The following PLXNB2 variants were observed in gnomAD, a reference collection of about 807,000 sequenced individuals.
The protein encoded by PLXNB2 is plexin B2.
In PLXNB2, 85 loss-of-function variants were observed where a neutral mutation model predicts 202.6. The ratio of observed to expected loss-of-function variants is 0.42; its 90% CI spans 0.35 to 0.50. The LOEUF (loss-of-function observed/expected upper bound fraction) is 0.50, where lower values mean the gene tolerates loss of function less well. Among genes scored for constraint, PLXNB2 ranks in the 20% least tolerant of loss-of-function variants. The pLI is 0.02. For synonymous variants in PLXNB2, 1,239 were observed against 1,137.6 expected, an observed-to-expected ratio of 1.09 and a Z score of -1.79; for missense variants, 2,063 against 2,586.2, an observed-to-expected ratio of 0.80 and a Z score of 4.39.
At chr22:50,294,409 A>G (rs1275527800) in intron 2 of PLXNB2, among the ~76,000 whole-genome samples, 3 of 148,110 alleles carry the variant, frequency 2.0e-5, no homozygotes, top group Non-Finnish European at 4.5e-5. Flanking sequence ...CCAACGCTCC[A>G]ATTCCCAGCC....
Position 50,284,948 on chromosome 22 carries a change from C to A in PLXNB2, c.2089-283G>T. 2 of 560,086 alleles carry A rather than the reference C, an allele frequency of 3.6e-6. No individual in the cohort carries two copies. The highest frequency in any genetic ancestry group is 7.0e-6 in the Non-Finnish European group (2 of 286,560). The allele number at this position is 560,086 out of a possible 1,614,324, so 34.7% of individuals were successfully genotyped here. A position where few individuals can be genotyped will look rare whatever the true frequency, so the allele number is the denominator to read the frequency against. On this transcript the variant is annotated intron_variant, in intron 11 of 36. Transcript: ENST00000359337. This position sits in a 1 kb window ranked among gnomAD's most constrained non-coding sequence, Gnocchi z 8.0. ...TCGCCCGGCCCACCTGACATCGTGG[C>A]CCCCACAGCTCCCTCCTCAGGAGGT... is the stretch of plus-strand genomic sequence containing the variant.
chr22:50,278,077 G>C, intron 31 of PLXNB2, 40 bp downstream of exon 31: 1 of 1,602,802 alleles, frequency 6.2e-7, no homozygotes, highest in Middle Eastern at 1.7e-4. Context: ...GGGTCTCAGC[G>C]TGGCGGCCTG....
At chr22:50,290,649 C>T in intron 2 of PLXNB2, 52 bp from the exon 3 acceptor site, 1 of 1,475,054 alleles carries the variant, frequency 6.8e-7, no homozygotes, top group South Asian at 1.3e-5. Context: ...GACCCCCGAT[C>T]AAATCCCTCT....
Position 50,275,476 on chromosome 22 carries a change from C to A in PLXNB2, c.*228G>T. ...GAACACCCGATGCTGGTTCTGCGGC[C>A]GGAGGGAGCTGGGGCTGGGGCTGGT... On this transcript the variant is annotated 3_prime_UTR_variant, in exon 37 of 37. Transcript: ENST00000359337. 1 of 658,792 alleles carries A rather than the reference C, an allele frequency of 1.5e-6. No homozygotes were observed. 40.8% of individuals were successfully genotyped at this position (658,792 alleles called of 1,614,324 possible).
Position 50,289,268 on chromosome 22 carries a change from G to C in PLXNB2, c.1069-126C>G. On this transcript the variant is annotated intron_variant, in intron 3 of 36. Transcript: ENST00000359337. The surrounding 1 kb of genome is among the most constrained non-coding windows in gnomAD (Gnocchi z 8.0). ...GCACACGTCCTACACACGTCCCCGA[G>C]AACAGAACCCACATGGCAGGGAGCC... 1 of 989,718 alleles carries C rather than the reference G, an allele frequency of 1.0e-6. No homozygotes were observed. The highest frequency in any genetic ancestry group is 1.6e-5 in the African/African-American group (1 of 61,196). The allele number at this position is 989,718 out of a possible 1,614,324, so 61.3% of individuals were successfully genotyped here. A position where few individuals can be genotyped will look rare whatever the true frequency, so the allele number is the denominator to read the frequency against.
Position 50,275,693 on chromosome 22 carries a change from G to C in PLXNB2, c.*11C>G, listed in dbSNP as rs761084304. Reference sequence around the variant, plus strand: ...GTACCTATGTCCCAAGGCAGCACTGGAGATTGTAGGTCAGAGGTCAGTGAC... The same window carrying C: ...GTACCTATGTCCCAAGGCAGCACTGCAGATTGTAGGTCAGAGGTCAGTGAC... On this transcript the variant is annotated 3_prime_UTR_variant, in exon 37 of 37. Coordinates refer to ENST00000359337, the MANE Select transcript of PLXNB2 (RefSeq NM_012401.4). 3 of 1,564,270 alleles carry C rather than the reference G, an allele frequency of 1.9e-6. No individual in the cohort carries two copies. The Admixed American group carries it at 5.2e-5, about 27-fold the overall frequency.
Position 50,286,078 on chromosome 22 carries a change from TTGCTCACGCAGGAGA to T in PLXNB2, c.1883_1897del (p.Ile628_Ser632del). 6.2e-7 allele frequency: 1 copy of T among 1,611,594 alleles called. No individual in the cohort carries two copies. The highest frequency in any genetic ancestry group is 8.5e-7 in the Non-Finnish European group (1 of 1,179,918). Reference sequence around the variant, plus strand: ...CAGGTCCCACTGGCAGGTCCAGCGGTTGCTCACGCAGGAGATGCACCTGCATCCAGAGGGGATCGT... The same window carrying T: ...CAGGTCCCACTGGCAGGTCCAGCGGTTGCACCTGCATCCAGAGGGGATCGT... On this transcript the variant is annotated inframe_deletion, in exon 10 of 37. Coordinates refer to ENST00000359337, the MANE Select transcript of PLXNB2 (RefSeq NM_012401.4).
At position 50,284,195 on chromosome 22, in the gene PLXNB2, C is replaced by T; in HGVS notation, c.2200G>A (p.Glu734Lys). 3 of 1,612,818 alleles carry T rather than the reference C, an allele frequency of 1.9e-6. No homozygotes were observed. Among genetic ancestry groups the T allele is most frequent in the Non-Finnish European group, 2.5e-6 (3 of 1,179,748 alleles). ...RTPKLSHDAN[E>K]TLPLHLYVKS... is the part of the protein sequence containing the mutation. ...ACGTAGAGGTGCAGGGGCAGCGTCTCGTTGGCATCGTGGGACAGCTGGGGG... is the reference window on the plus strand; with the variant it reads ...ACGTAGAGGTGCAGGGGCAGCGTCTTGTTGGCATCGTGGGACAGCTGGGGG... The change falls in exon 13 of 37, where the codon GAG becomes AAG. Residue 734 changes from glutamate (E) to lysine (K), a missense_variant. This residue lies in a region of PLXNB2 where 1,303 missense variants were observed against 1,476.8 expected (regional missense o/e 0.88). Transcript: ENST00000359337. The surrounding 1 kb of genome is among the most constrained non-coding windows in gnomAD (Gnocchi z 8.0).
In PLXNB2 at chr22:50,282,474, C is replaced by T. The variant is rs142679259; in HGVS notation, c.2988-161G>A. 1.9e-3 allele frequency: 1,533 copies of T among 786,694 alleles called. 23 individuals carry two copies. In the African/African-American group the frequency reaches 0.024, roughly 12 times the overall value. 48.7% of individuals were successfully genotyped at this position (786,694 alleles called of 1,614,324 possible). Reference sequence around the variant, plus strand: ...GCAACGCGGTGGGACGTGCTGAGCACGAGACTGTGCCGCAAGTGGGCGGGG... The same window carrying T: ...GCAACGCGGTGGGACGTGCTGAGCATGAGACTGTGCCGCAAGTGGGCGGGG... On this transcript the variant is annotated intron_variant, in intron 18 of 36. Coordinates refer to ENST00000359337, the MANE Select transcript of PLXNB2 (RefSeq NM_012401.4).
In PLXNB2 at chr22:50,277,877, G is replaced by A; in HGVS notation, c.5024C>T (p.Thr1675Ile). The change falls in exon 32 of 37, where the codon ACC (threonine) becomes ATC (isoleucine). Residue 1675 changes from threonine to isoleucine, a missense_variant. Physicochemically the swap from Thr to Ile is moderately conservative, Grantham distance 89 (BLOSUM62 -1). Around this residue, in one of 2 missense-constraint regions of PLXNB2, gnomAD observed 760 missense variants for 1,109.4 expected, o/e 0.69. Transcript: ENST00000359337. ...AEKHNIQDED[T>I]IHIWKTNSLP... is the part of the protein sequence containing the mutation. ...CCTGTTCGTCTTCCAGATGTGGATG[G>A]TGTCTTCATCCTGGATGTTGTGCTT... is the stretch of plus-strand genomic sequence containing the variant. 6.2e-7 allele frequency: 1 copy of A among 1,613,104 alleles called. No individual in the cohort carries two copies. The highest frequency in any genetic ancestry group is 8.5e-7 in the Non-Finnish European group (1 of 1,179,918).
chr22:50,306,725 ACC>A (rs2067897373), intron 1 of PLXNB2, among the ~76,000 whole-genome samples: 1 of 140,758 alleles, frequency 7.1e-6, no homozygotes, highest in South Asian at 2.2e-4. Flanking sequence ...CCTCACCCTC[ACC>A]CTCACCCCCT....
chr22:50,294,374 G>C (rs747784269), intron 2 of PLXNB2, among the ~76,000 whole-genome samples: 13 of 150,686 alleles, frequency 8.6e-5, no homozygotes, highest in African/African-American at 1.2e-4. Context: ...CAAAGCGTCT[G>C]CACAGGCACC....
rs375409236 is a variant in PLXNB2 at position 50,280,938 on chromosome 22, C to T, written c.3799G>A (p.Val1267Met). ...MIEMEDQTND[V>M]HEAGIPVLDY... is the part of the protein sequence containing the mutation. ...AGCACGGGGATGCCGGCCTCGTGCA[C>T]GTCGTTGGTCTGGTCCTCCATCTCG... The change falls in exon 24 of 37, where the codon GTG becomes ATG. Residue 1267 changes from valine (V) to methionine (M), a missense_variant. This residue lies in a region of PLXNB2 where 760 missense variants were observed against 1,109.4 expected (regional missense o/e 0.69). Transcript: ENST00000359337. 8.1e-6 allele frequency: 13 copies of T among 1,613,324 alleles called. No individual in the cohort carries two copies. The highest frequency in any genetic ancestry group is 4.5e-5 in the East Asian group (2 of 44,872).
At position 50,275,395 on chromosome 22, in the gene PLXNB2, C is replaced by T. The variant is rs1181835298; in HGVS notation, c.*309G>A. On this transcript the variant is annotated 3_prime_UTR_variant, in exon 37 of 37. Transcript: ENST00000359337. The stretch of plus-strand genomic sequence containing the variant: ...GTGCGTGGGCGGAGGCGGAGGCCAG[C>T]TGCCCCCAGCGTGGCAGCGTAAGGC... The T allele has an allele frequency of 6.1e-6, 3 of 495,780 alleles. No homozygotes were observed. The highest frequency in any genetic ancestry group is 3.1e-5 in the South Asian group (2 of 64,876). 30.7% of individuals were successfully genotyped at this position (495,780 alleles called of 1,614,324 possible).
rs374294294 is a variant in PLXNB2 at position 50,279,749 on chromosome 22, G to C, written c.4270C>G (p.Leu1424Val). 2 of 1,613,998 alleles carry C rather than the reference G, an allele frequency of 1.2e-6. No individual in the cohort carries two copies. Among genetic ancestry groups the C allele is most frequent in the African/African-American group, 1.3e-5 (1 of 75,056 alleles). The change falls in exon 27 of 37, where the codon CTC (leucine) becomes GTC (valine). Residue 1424 changes from leucine (L) to valine (V), a missense_variant. Physicochemically the swap from Leu to Val is conservative, Grantham distance 32. Coordinates refer to ENST00000359337, the MANE Select transcript of PLXNB2 (RefSeq NM_012401.4). Reference sequence around the variant, plus strand: ...ACCTGATGTTTGATGGCCTTGAAGAGCTTGTACAGGGGCTCCCCGGCACTG... The same window carrying C: ...ACCTGATGTTTGATGGCCTTGAAGACCTTGTACAGGGGCTCCCCGGCACTG... ...KDSAGEPLYK[L>V]FKAIKHQVEK...
chr22:50,300,100 C>T (rs1055612457), intron 1 of PLXNB2, among the ~76,000 whole-genome samples: 4 of 152,136 alleles, frequency 2.6e-5, no homozygotes, highest in Non-Finnish European at 4.4e-5. Context: ...ACTCCGGCGC[C>T]CCGTCCGCCC....
In PLXNB2 at chr22:50,282,723, C is replaced by T. The variant is rs375104267; in HGVS notation, c.2975G>A (p.Arg992Gln). The T allele has an allele frequency of 1.3e-5, 20 of 1,539,688 alleles. No homozygotes were observed. Among genetic ancestry groups the T allele is most frequent in the Non-Finnish European group, 1.6e-5 (19 of 1,151,842 alleles). ...ACACCAGCCTCACCTGGCAAAGCTT[C>T]GTAGCGGCTCGAAGGCTCGCAGTAC... ...NPVLRAFEPL[R>Q]SFASGGRSIN... Residue 992 changes from arginine to glutamine, a missense_variant, in exon 18 of 37, where the codon CGA becomes CAA. This residue lies in a region of PLXNB2 where 1,303 missense variants were observed against 1,476.8 expected (regional missense o/e 0.88). Transcript: ENST00000359337.
rs1207214340 is a variant in PLXNB2, at chr22:50,289,181, G to A, written c.1069-39C>T. 6.7e-7 allele frequency: 1 copy of A among 1,491,926 alleles called. No individual in the cohort carries two copies. Among genetic ancestry groups the A allele is most frequent in the South Asian group, 1.3e-5 (1 of 78,722 alleles). The allele number at this position is 1,491,926 out of a possible 1,614,324, so 92.4% of individuals were successfully genotyped here. On this transcript the variant is annotated intron_variant, in intron 3 of 36. Transcript: ENST00000359337. The surrounding 1 kb of genome is among the most constrained non-coding windows in gnomAD (Gnocchi z 8.0). ...CGTGTCAATGGCAGGCAGACCCCCT[G>A]TCCTGAAGGGCCCTCTCCACTCGCG...
In PLXNB2 at chr22:50,288,703, A is replaced by G; in HGVS notation, c.1380+40T>C. The G allele has an allele frequency of 6.2e-7, 1 of 1,608,918 alleles. No individual in the cohort carries two copies. Among genetic ancestry groups the G allele is most frequent in the South Asian group, 1.1e-5 (1 of 90,682 alleles). On this transcript the variant is annotated intron_variant, in intron 5 of 36. Transcript: ENST00000359337. This position sits in a 1 kb window ranked among gnomAD's most constrained non-coding sequence, Gnocchi z 5.0. ...GGCCTGGGATGCAATGACCGGGCAC[A>G]CTTGGCCTAGAGTGCTCTCCGGGGC...
Sources: gnomAD v4.1 joint callset for allele counts (sites outside exome capture counted in the v4.1 genomes callset) on GRCh38, gnomAD v4.1.1 for gene constraint, gnomAD v4.1.1 regional missense constraint, Gnocchi (gnomAD v3.1) non-coding constraint, MANE v1.5 for transcripts, NCBI Gene and HGNC (gene_info 2026-07-23, HGNC 2026-07-21) for gene names.